The following MED21 variants were observed in gnomAD, a reference collection of about 807,000 sequenced individuals.
The protein encoded by MED21 is mediator of RNA polymerase II transcription subunit 21.
Under a neutral mutation model 18.2 loss-of-function variants are expected in MED21, and 9 were observed. The observed-to-expected ratio is 0.49, with a 90% CI of 0.30 to 0.86. The LOEUF is 0.86. MED21 is among the 40% of genes least tolerant of loss of function. The pLI is 0.07. For missense variants in MED21, 150 were observed against 170.9 expected (o/e 0.88, Z 0.68); for synonymous variants, 73 against 60.5 (o/e 1.21, Z -0.96).
Position 27,026,430 on chromosome 12 carries a change from A to G in MED21, c.53A>G (p.Gln18Arg). ...LQDAVNSLAD[Q>R]FCNAIGVLQQ... is the part of the protein sequence containing the mutation. ...TTTCTTTGGCCTAAGCTTGCAGATC[A>G]GTTTTGTAATGCCATTGGAGTATTG... The change falls in exon 2 of 4, where the codon CAG (glutamine) becomes CGG (arginine). Residue 18 changes from glutamine (Q) to arginine (R), a missense_variant. Transcript: ENST00000282892. 2 of 1,611,426 alleles carry G rather than the reference A, an allele frequency of 1.2e-6. No homozygotes were observed. Among genetic ancestry groups the G allele is most frequent in the Non-Finnish European group, 1.7e-6 (2 of 1,178,174 alleles).
intron 3 of MED21, among the ~76,000 whole-genome samples, chr12:27,027,864 A>G (rs1241937440): frequency 1.3e-5 from 2 of 152,164 alleles, no homozygotes; most frequent in African/African-American, 4.8e-5. Flanking sequence ...TCTTAATACC[A>G]TCACATTGGG....
In MED21 at chr12:27,026,461, A is replaced by G. The variant is rs1277120889; in HGVS notation, c.84A>G (p.Gln28=). 6.2e-7 allele frequency: 1 copy of G among 1,613,966 alleles called. No homozygotes were observed. The highest frequency in any genetic ancestry group is 8.5e-7 in the Non-Finnish European group (1 of 1,179,950). The change falls in exon 2 of 4, where the codon CAA becomes CAG. Residue 28 remains glutamine, a synonymous_variant. Coordinates refer to ENST00000282892, the MANE Select transcript of MED21 (RefSeq NM_004264.5). ...GTAATGCCATTGGAGTATTGCAGCA[A>G]TGTGGTCCTCCTGCCTCTTTCAATA... ...QFCNAIGVLQ[Q]CGPPASFNNI...
In MED21 at chr12:27,029,914, T is replaced by C. The variant is rs1941596070; in HGVS notation, c.*1453T>C. 3.6e-6 allele frequency: 2 copies of C among 551,764 alleles called. No individual in the cohort carries two copies. The highest frequency in any genetic ancestry group is 7.9e-5 in the South Asian group (1 of 12,692). The allele number at this position is 551,764 out of a possible 1,614,324, so 34.2% of individuals were successfully genotyped here. ...AGGGAAAACTAACAGGATTTATCAC[T>C]AGTAAACCTGCTCTAAAAGAATTCA... On this transcript the variant is annotated 3_prime_UTR_variant, in exon 4 of 4. Transcript: ENST00000282892.
chr12:27,026,588 C>A, intron 2 of MED21, 54 bp downstream of exon 2: 1 of 1,124,226 alleles, frequency 8.9e-7, no homozygotes, highest in South Asian at 1.3e-5. Context: ...TTTTGTAATC[C>A]TTTAAAATTA....
rs1941559119 is a variant in MED21, at chr12:27,027,335, A to G, written c.158-12A>G. 1.3e-6 allele frequency: 2 copies of G among 1,592,706 alleles called. No individual in the cohort carries two copies. Among genetic ancestry groups the G allele is most frequent in the African/African-American group, 1.4e-5 (1 of 74,064 alleles). On this transcript the variant is annotated splice_polypyrimidine_tract_variant and intron_variant, in intron 2 of 3. Transcript: ENST00000282892. The stretch of plus-strand genomic sequence containing the variant: ...TTTTCTAATATCCTAATCTAGCAGT[A>G]TCTTTCTCTAGAGTATGCCCAGCTT...
At chr12:27,031,774 G>C (rs1941621078), downstream of MED21, among the ~76,000 whole-genome samples, 1 of 152,062 alleles carries the variant, frequency 6.6e-6, no homozygotes, top group African/African-American at 2.4e-5. Flanking sequence ...CACAAAATAT[G>C]GGAGGAGTTA....
rs1319775719 is a variant in MED21 at position 27,022,636 on chromosome 12, T to C, written c.42+15T>C. On this transcript the variant is annotated intron_variant, in intron 1 of 3. Transcript: ENST00000282892. ...CTGTGAATTCGGTGAGGAATTTCAT[T>C]CGATTAGCCTCTGTCTTTCTCTTTC... The C allele has an allele frequency of 6.3e-7, 1 of 1,597,048 alleles. No homozygotes were observed. Among genetic ancestry groups the C allele is most frequent in the Non-Finnish European group, 8.6e-7 (1 of 1,167,950 alleles).
chr12:27,035,594 C>A (rs530319436), downstream of MED21, among the ~76,000 whole-genome samples: 125 of 112,764 alleles, frequency 1.1e-3, no homozygotes, highest in African/African-American at 4.1e-3. Flanking sequence ...CCCCCTCCCC[C>A]CACCCCACAA....
chr12:27,034,142 G>A (rs568312647), downstream of MED21, among the ~76,000 whole-genome samples: 2 of 152,080 alleles, frequency 1.3e-5, no homozygotes, highest in Admixed American at 6.5e-5. Context: ...TTTGGCTAAC[G>A]CAGTGACTCA....
intron 1 of MED21, among the ~76,000 whole-genome samples, chr12:27,023,317 T>TTTTTTTC (rs1383127018): frequency 2.1e-5 from 3 of 145,372 alleles, no homozygotes; most frequent in African/African-American, 7.6e-5. Context: ...TTTTTTTTTT[T>TTTTTTTC]ACTTTGGAGA....
At chr12:27,037,220 C>G (rs1409772982) in intron 2 of MED21, 1 of 151,272 alleles carries the variant, frequency 6.6e-6, no homozygotes, top group South Asian at 2.1e-4. Context: ...TGGGAGTTCA[C>G]TCATGATTTG....
intron 1 of MED21, 44 bp from the exon 2 acceptor site, chr12:27,026,376 C>T (rs373065873): frequency 1.7e-4 from 225 of 1,301,802 alleles, no homozygotes; most frequent in South Asian, 7.5e-4. Flanking sequence ...GTCCTTAAAA[C>T]TGATAAGTCC....
In MED21 at chr12:27,029,019, A is replaced by G. The variant is rs1008868383; in HGVS notation, c.*558A>G. On this transcript the variant is annotated 3_prime_UTR_variant, in exon 4 of 4. Transcript: ENST00000282892. ...AATGTTTCTTCTGCTAGAACCTCAT[A>G]CCTGTTCTAGTTCATCTCCACGTTT... 1 of 984,994 alleles carries G rather than the reference A, an allele frequency of 1.0e-6. No homozygotes were observed. The highest frequency in any genetic ancestry group is 1.2e-6 in the Non-Finnish European group (1 of 829,596). 61.0% of individuals were successfully genotyped at this position (984,994 alleles called of 1,614,324 possible). A position where few individuals can be genotyped will look rare whatever the true frequency, so the allele number is the denominator to read the frequency against.
intron 1 of MED21, among the ~76,000 whole-genome samples, chr12:27,024,427 G>C (rs941441316): frequency 1.3e-5 from 2 of 152,162 alleles, no homozygotes; most frequent in African/African-American, 4.8e-5. Flanking sequence ...TTTTTAAGCT[G>C]AGAGGACCAG....
At chr12:27,037,954 A>G (rs1414052135) in intron 2 of MED21, 2 of 152,230 alleles carry the variant, frequency 1.3e-5, no homozygotes, top group African/African-American at 4.8e-5. Context: ...GAGAAACAGC[A>G]AAGAATTTTT....
intron 2 of MED21, among the ~76,000 whole-genome samples, chr12:27,036,606 A>G (rs899846210): frequency 2.6e-5 from 4 of 152,158 alleles, no homozygotes; most frequent in African/African-American, 9.7e-5. Flanking sequence ...ATCTTGAATT[A>G]ATTTTTGTAT....
chr12:27,029,590 A>G lies in MED21; in HGVS notation c.*1129A>G, dbSNP rs774504143. ...CACTCTGCCTGTTATTTTTGTTGTA[A>G]TCAAGCTTTTCCACAGTTCTTGAAA... On this transcript the variant is annotated 3_prime_UTR_variant, in exon 4 of 4. Transcript: ENST00000282892. 1 of 985,334 alleles carries G rather than the reference A, an allele frequency of 1.0e-6. No individual in the cohort carries two copies. Among genetic ancestry groups the G allele is most frequent in the African/African-American group, 1.7e-5 (1 of 57,248 alleles). The allele number at this position is 985,334 out of a possible 1,614,324, so 61.0% of individuals were successfully genotyped here.
chr12:27,023,304 T>TTTTC (rs1310500811), intron 1 of MED21, among the ~76,000 whole-genome samples: 1 of 143,498 alleles, frequency 7.0e-6, no homozygotes, highest in Admixed American at 6.9e-5. Context: ...TCTTTTCTTT[T>TTTTC]TTTTTTTTTT....
Position 27,022,827 on chromosome 12 carries a change from CA to C in MED21, c.42+207del, listed in dbSNP as rs771269731. Reference sequence around the variant, plus strand: ...CGGTGCTTGAAGGTGCGGGAGGGAGCAGACTCTTTCGCTTGAGGAGACCGGG... The same window carrying C: ...CGGTGCTTGAAGGTGCGGGAGGGAGCGACTCTTTCGCTTGAGGAGACCGGG... On this transcript the variant is annotated intron_variant, in intron 1 of 3. Coordinates refer to ENST00000282892, the MANE Select transcript of MED21 (RefSeq NM_004264.5). The C allele has an allele frequency of 2.0e-6, 3 of 1,488,898 alleles. No individual in the cohort carries two copies. The South Asian group carries it at 3.6e-5, about 18-fold the overall frequency. 92.2% of individuals were successfully genotyped at this position (1,488,898 alleles called of 1,614,324 possible). A position where few individuals can be genotyped will look rare whatever the true frequency, so the allele number is the denominator to read the frequency against.
Sources: gnomAD v4.1 joint callset for allele counts (sites outside exome capture counted in the v4.1 genomes callset) on GRCh38, gnomAD v4.1.1 for gene constraint, MANE v1.5 for transcripts, NCBI Gene and HGNC (gene_info 2026-07-23, HGNC 2026-07-21) for gene names.